The following ITPR1 variants were observed in gnomAD, a reference collection of about 807,000 sequenced individuals.
The protein encoded by ITPR1 is inositol 1,4,5-trisphosphate-gated calcium channel ITPR1.
ITPR1 carries 96 observed loss-of-function variants against 318.4 expected under a neutral mutation model. The ratio of observed to expected loss-of-function variants is 0.30; its 90% CI spans 0.26 to 0.36. The LOEUF (loss-of-function observed/expected upper bound fraction) is 0.36, where lower values mean the gene tolerates loss of function less well. Ranked by LOEUF, ITPR1 falls within the 10% of genes least tolerant of loss-of-function variation. The probability of loss-of-function intolerance (pLI) is 1.00; values close to 1 mark genes in which losing one functional copy is unlikely to be tolerated. For synonymous variants in ITPR1, 1,312 were observed against 1,289.9 expected, an observed-to-expected ratio of 1.02 and a Z score of -0.37; for missense variants, 2,440 against 3,460.2, an observed-to-expected ratio of 0.71 and a Z score of 7.40.
intron 12 of ITPR1, among the ~76,000 whole-genome samples, chr3:4,655,420 A>G (rs1485930117): frequency 6.6e-6 from 1 of 152,130 alleles, no homozygotes; most frequent in Non-Finnish European, 1.5e-5. Context: ...TGCAGTTTAA[A>G]TACCAGACCT....
intron 19 of ITPR1, among the ~76,000 whole-genome samples, chr3:4,670,310 T>C (rs1371110766): frequency 1.3e-5 from 2 of 152,266 alleles, no homozygotes; most frequent in Non-Finnish European, 2.9e-5. Flanking sequence ...ACTTCATTGA[T>C]TCACATGTAT....
chr3:4,805,121 AGCAAAGGAGAATATGTATTGG>A (rs2048476770), intron 54 of ITPR1, among the ~76,000 whole-genome samples: 3 of 152,236 alleles, frequency 2.0e-5, no homozygotes, highest in Non-Finnish European at 4.4e-5. Context: ...TGCTAGCCTC[AGCAAAGGAGAATATGTATTGG>A]TTCATTTTGA....
rs1301615218 is a variant in ITPR1 at position 4,645,832 on chromosome 3, A to G, written c.855+104A>G. ...CAAATATTCATACATACATATACCT[A>G]TATGTGTCTATACACCCACATACAC... On this transcript the variant is annotated intron_variant, in intron 10 of 61. Coordinates refer to ENST00000649015, the MANE Select transcript of ITPR1 (RefSeq NM_001378452.1). The G allele has an allele frequency of 1.6e-5, 16 of 1,015,306 alleles. No individual in the cohort carries two copies. The Admixed American group carries it at 2.6e-4, about 17-fold the overall frequency. 62.9% of individuals were successfully genotyped at this position (1,015,306 alleles called of 1,614,324 possible). A position where few individuals can be genotyped will look rare whatever the true frequency, so the allele number is the denominator to read the frequency against.
intron 4 of ITPR1, among the ~76,000 whole-genome samples, chr3:4,538,384 A>G (rs541795280): frequency 5.9e-5 from 9 of 152,328 alleles, no homozygotes; most frequent in African/African-American, 2.2e-4. Flanking sequence ...AATTATTAAA[A>G]AGTCAGGAAC....
intron 4 of ITPR1, among the ~76,000 whole-genome samples, chr3:4,572,186 C>T (rs1284397746): frequency 6.6e-6 from 1 of 152,142 alleles, no homozygotes; most frequent in African/African-American, 2.4e-5. Context: ...GCCTAGACTT[C>T]TCCCTTGAAC....
intron 10 of ITPR1, among the ~76,000 whole-genome samples, chr3:4,650,324 C>G (rs1228709788): frequency 6.6e-6 from 1 of 152,162 alleles, no homozygotes; most frequent in Non-Finnish European, 1.5e-5. Flanking sequence ...GTGGCTGCAC[C>G]ATTTTTTATT....
intron 44 of ITPR1, among the ~76,000 whole-genome samples, chr3:4,764,895 A>G (rs1340002001): frequency 6.6e-6 from 1 of 152,006 alleles, no homozygotes; most frequent in East Asian, 1.9e-4. Context: ...CTTCTCTTAT[A>G]ACTGACATAG....
At chr3:4,689,385 GT>G (rs1259911453) in intron 31 of ITPR1, among the ~76,000 whole-genome samples, 1 of 152,166 alleles carries the variant, frequency 6.6e-6, no homozygotes, top group African/African-American at 2.4e-5. Flanking sequence ...GATAATATAG[GT>G]TGAGCATCCC....
At chr3:4,555,598 T>C (rs1281619604) in intron 4 of ITPR1, among the ~76,000 whole-genome samples, 1 of 152,202 alleles carries the variant, frequency 6.6e-6, no homozygotes, top group African/African-American at 2.4e-5. Context: ...TATGAAGCCA[T>C]GAAAAGACAT....
At chr3:4,743,104 T>G (rs764698151) in intron 44 of ITPR1, among the ~76,000 whole-genome samples, 5 of 152,274 alleles carry the variant, frequency 3.3e-5, no homozygotes, top group Non-Finnish European at 5.9e-5. Context: ...GTCACTTCTT[T>G]GTGGTTTGAA....
At chr3:4,542,108 G>A (rs908860590) in intron 4 of ITPR1, among the ~76,000 whole-genome samples, 1 of 151,860 alleles carries the variant, frequency 6.6e-6, no homozygotes, top group Admixed American at 6.5e-5. Context: ...CTTCTGAAAC[G>A]TTTGGTCATT....
intron 39 of ITPR1, among the ~76,000 whole-genome samples, chr3:4,713,807 G>T (rs558108863): frequency 6.6e-6 from 1 of 152,188 alleles, no homozygotes; most frequent in Non-Finnish European, 1.5e-5. Flanking sequence ...GAGGCTTGGA[G>T]AAGAGATGGC....
chr3:4,562,997 T>C (rs917616210), intron 4 of ITPR1, among the ~76,000 whole-genome samples: 1 of 152,006 alleles, frequency 6.6e-6, no homozygotes, highest in Admixed American at 6.6e-5. Flanking sequence ...GTTAGGGAAA[T>C]CTTCTGGAGG....
intron 16 of ITPR1, among the ~76,000 whole-genome samples, chr3:4,663,412 A>G (rs745904920): frequency 6.6e-6 from 1 of 152,200 alleles, no homozygotes; most frequent in Non-Finnish European, 1.5e-5. Context: ...AAAGAGAAAG[A>G]AAAAGAGAAA....
intron 31 of ITPR1, 75 bp downstream of exon 31, chr3:4,688,695 T>C: frequency 6.8e-7 from 1 of 1,464,878 alleles, no homozygotes. Context: ...AGCTTGTTCT[T>C]TGGCTGTTGT....
At chr3:4,719,131 T>G (rs1016129428) in intron 40 of ITPR1, among the ~76,000 whole-genome samples, 1 of 152,226 alleles carries the variant, frequency 6.6e-6, no homozygotes, top group Non-Finnish European at 1.5e-5. Flanking sequence ...TATGGAAAGA[T>G]TCCACAGTTG....
chr3:4,586,238 A>G (rs1321755104), intron 4 of ITPR1, among the ~76,000 whole-genome samples: 1 of 152,170 alleles, frequency 6.6e-6, no homozygotes, highest in Admixed American at 6.5e-5. Flanking sequence ...ACATGGTAAC[A>G]TGCACTTTTA....
chr3:4,579,514 C>G (rs1165092715), intron 4 of ITPR1, among the ~76,000 whole-genome samples: 1 of 152,124 alleles, frequency 6.6e-6, no homozygotes, highest in African/African-American at 2.4e-5. Context: ...TTTCTACCTG[C>G]AGGTTAAATA....
chr3:4,660,273 G>A (rs972528608), intron 13 of ITPR1, among the ~76,000 whole-genome samples: 3 of 151,958 alleles, frequency 2.0e-5, no homozygotes, highest in Admixed American at 6.5e-5. Flanking sequence ...TAAATTACCC[G>A]TTTGTGTCCT....
Sources: allele counts gnomAD v4.1 joint callset (sites outside exome capture counted in the v4.1 genomes callset), GRCh38; gene constraint gnomAD v4.1.1; transcripts MANE v1.5; gene names NCBI Gene and HGNC (gene_info 2026-07-23, HGNC 2026-07-21).